JARID2: variants seen among roughly 807,000 people sequenced by gnomAD.
JARID2 encodes jumonji and AT-rich interaction domain containing 2, also known as protein Jumonji.
A neutral mutation model predicts 125.6 loss-of-function variants in JARID2; 21 were observed. The ratio of observed to expected loss-of-function variants is 0.17; its 90% CI spans 0.12 to 0.24. The LOEUF is 0.24. Among genes scored for constraint, JARID2 ranks in the 10% least tolerant of loss-of-function variants. The pLI is 1.00. For synonymous variants in JARID2, 736 were observed against 661.6 expected (o/e 1.11, Z -1.73); for missense variants, 1,303 against 1,639.6 (o/e 0.79, Z 3.55).
chr6:15,314,871 T>C (rs1762127946), intron 1 of JARID2: 1 of 152,168 alleles, frequency 6.6e-6, no homozygotes, highest in Non-Finnish European at 1.5e-5. Context: ...GCCTGATGTG[T>C]TTAGTTGGGG....
At chr6:15,417,776 A>T (rs1164486147) in intron 3 of JARID2, among the ~76,000 whole-genome samples, 2 of 152,250 alleles carry the variant, frequency 1.3e-5, no homozygotes, top group East Asian at 1.9e-4. Context: ...AATAAATAAA[A>T]AATTCTCATG....
intron 1 of JARID2, among the ~76,000 whole-genome samples, chr6:15,367,516 A>G (rs1764022131): frequency 6.6e-6 from 1 of 152,204 alleles, no homozygotes; most frequent in African/African-American, 2.4e-5. Context: ...AGTCAGTGTG[A>G]GTTACATATT....
chr6:15,484,414 A>C (rs1341440623), intron 5 of JARID2, among the ~76,000 whole-genome samples: 2 of 152,240 alleles, frequency 1.3e-5, no homozygotes, highest in African/African-American at 4.8e-5. Flanking sequence ...TGCTGAGACC[A>C]GTGTTTGTCT....
chr6:15,407,392 C>T (rs1765694080), intron 2 of JARID2, among the ~76,000 whole-genome samples: 1 of 152,192 alleles, frequency 6.6e-6, no homozygotes, highest in African/African-American at 2.4e-5. Flanking sequence ...AGAGTCACTT[C>T]TCTTTACAGT....
chr6:15,313,716 T>C (rs953424304), intron 1 of JARID2, among the ~76,000 whole-genome samples: 7 of 152,240 alleles, frequency 4.6e-5, no homozygotes, highest in Non-Finnish European at 1.0e-4. Context: ...AAACACTCTC[T>C]GGCTGATGTA....
At chr6:15,306,166 T>C (rs1012685037) in intron 1 of JARID2, among the ~76,000 whole-genome samples, 1 of 152,058 alleles carries the variant, frequency 6.6e-6, no homozygotes, top group African/African-American at 2.4e-5. Context: ...TGGCAGACGC[T>C]CTTAAGTGCG....
At chr6:15,343,661 G>A (rs992184633) in intron 1 of JARID2, among the ~76,000 whole-genome samples, 4 of 152,206 alleles carry the variant, frequency 2.6e-5, no homozygotes, top group Non-Finnish European at 5.9e-5. Context: ...CCAACATTGA[G>A]CAGATGTTCT....
At chr6:15,286,096 A>T (rs1193414253) in intron 1 of JARID2, among the ~76,000 whole-genome samples, 1 of 152,106 alleles carries the variant, frequency 6.6e-6, no homozygotes. Context: ...GCTGGAGTGC[A>T]GTAGCGCCAT....
At chr6:15,500,274 G>T (rs1581651321) in intron 7 of JARID2, among the ~76,000 whole-genome samples, 2 of 152,198 alleles carry the variant, frequency 1.3e-5, no homozygotes, top group East Asian at 3.9e-4. Context: ...GAGGGACGAG[G>T]CATAGATGTG....
Position 15,432,963 on chromosome 6 carries a change from C to CTG in JARID2, c.324-19042_324-19041dup, listed in dbSNP as rs1401136101. Among the ~76,000 whole-genome samples the CTG allele has an allele frequency of 3.3e-5, 5 of 152,328 alleles. No homozygotes were observed. The South Asian group carries it at 1.0e-3, about 32-fold the overall frequency. On this transcript the variant is annotated intron_variant, in intron 3 of 17. Coordinates refer to ENST00000341776, the MANE Select transcript of JARID2 (RefSeq NM_004973.4). ...TCTGGAGGACTGGTTAAAACACAGA[C>CTG]TGGCTAGGTCCTGCCCTGAGGGTTT...
chr6:15,246,922 C>T (rs910560459), intron 1 of JARID2, among the ~76,000 whole-genome samples: 3 of 152,140 alleles, frequency 2.0e-5, no homozygotes, highest in Admixed American at 6.5e-5. Flanking sequence ...GGATTTGGCC[C>T]CGTATTGCAC....
chr6:15,441,831 G>T (rs1477995603), intron 3 of JARID2, among the ~76,000 whole-genome samples: 3 of 151,542 alleles, frequency 2.0e-5, no homozygotes, highest in Non-Finnish European at 1.5e-5. Context: ...TGCTCTTGTT[G>T]CCCAGCCTGG....
intron 1 of JARID2, among the ~76,000 whole-genome samples, chr6:15,351,280 A>G (rs1043480912): frequency 1.3e-5 from 2 of 152,192 alleles, no homozygotes; most frequent in Admixed American, 1.3e-4. Flanking sequence ...TGAGGTAAAG[A>G]GATGCTGAAA....
intron 1 of JARID2, among the ~76,000 whole-genome samples, chr6:15,254,677 G>A (rs73359689): frequency 0.044 from 6,736 of 152,232 alleles, 194 homozygotes; most frequent in Admixed American, 0.099. Context: ...TGAAGAGGAA[G>A]GCCAGTGAAC....
At chr6:15,263,065 GGTGTGTGTTTGTGTGTGTGT>G (rs1175755711) in intron 1 of JARID2, among the ~76,000 whole-genome samples, 5 of 140,984 alleles carry the variant, frequency 3.5e-5, no homozygotes, top group African/African-American at 1.1e-4. Flanking sequence ...CCCTTTGGAG[GGTGTGTGTTTGTGTGTGTGT>G]GTGTGTGTGT....
intron 6 of JARID2, among the ~76,000 whole-genome samples, chr6:15,491,143 A>G (rs1361434231): frequency 2.0e-5 from 3 of 152,208 alleles, no homozygotes; most frequent in African/African-American, 7.2e-5. Flanking sequence ...AAACATAGAA[A>G]ATCATATTAG....
At chr6:15,413,160 C>T (rs778770171) in intron 3 of JARID2, among the ~76,000 whole-genome samples, 13 of 151,892 alleles carry the variant, frequency 8.6e-5, no homozygotes, top group Non-Finnish European at 1.6e-4. Context: ...GCTGGGATTA[C>T]AGGCATGCGC....
intron 3 of JARID2, among the ~76,000 whole-genome samples, chr6:15,445,832 T>A (rs1767650411): frequency 6.6e-6 from 1 of 152,234 alleles, no homozygotes; most frequent in Non-Finnish European, 1.5e-5. Context: ...TGGTAAATTC[T>A]TAAGGGAGGG....
intron 1 of JARID2, among the ~76,000 whole-genome samples, chr6:15,271,635 A>ACCT (rs1760300319): frequency 1.3e-5 from 2 of 151,410 alleles, no homozygotes; most frequent in Admixed American, 1.3e-4. Context: ...CAATAGTGAG[A>ACCT]CCTCATCTCA....
Sources: allele counts gnomAD v4.1 joint callset (sites outside exome capture counted in the v4.1 genomes callset), GRCh38; gene constraint gnomAD v4.1.1; transcripts MANE v1.5; gene names NCBI Gene and HGNC (gene_info 2026-07-23, HGNC 2026-07-21).